Variants in LRRC4C observed in about 807,000 individuals in gnomAD.
The protein encoded by LRRC4C is leucine-rich repeat-containing protein 4C.
LRRC4C carries 5 observed loss-of-function variants against 33.6 expected under a neutral mutation model. The observed-to-expected ratio is 0.15, with a 90% confidence interval of 0.08 to 0.31. The LOEUF (loss-of-function observed/expected upper bound fraction) is 0.31, where lower values mean the gene tolerates loss of function less well. LRRC4C is among the 10% of genes least tolerant of loss of function. LRRC4C has a pLI of 1.00. For synonymous variants in LRRC4C, 329 were observed against 302.0 expected (o/e 1.09, Z -0.93); for missense variants, 560 against 796.7 (o/e 0.70, Z 3.58).
At chr11:40,180,350 A>G (rs1860881176) in intron 5 of LRRC4C, among the ~76,000 whole-genome samples, 1 of 152,232 alleles carries the variant, frequency 6.6e-6, no homozygotes, top group Non-Finnish European at 1.5e-5. Context: ...TATGGTGATG[A>G]GTTCAGCAAT....
At chr11:40,310,792 T>G (rs1945267368) in intron 4 of LRRC4C, among the ~76,000 whole-genome samples, 1 of 152,210 alleles carries the variant, frequency 6.6e-6, no homozygotes, top group Non-Finnish European at 1.5e-5. Context: ...TTAAAAGGAC[T>G]TTGGTTTACT....
intron 1 of LRRC4C, among the ~76,000 whole-genome samples, chr11:41,387,845 C>A (rs1953421464): frequency 6.6e-6 from 1 of 151,790 alleles, no homozygotes; most frequent in African/African-American, 2.4e-5. Flanking sequence ...AGTTACCAAC[C>A]ATTCTCCTGG....
At chr11:40,251,611 C>A (rs1326985796) in intron 4 of LRRC4C, among the ~76,000 whole-genome samples, 1 of 152,182 alleles carries the variant, frequency 6.6e-6, no homozygotes, top group East Asian at 1.9e-4. Flanking sequence ...AGGGGGCCTG[C>A]ATATCTGAGA....
At chr11:41,188,695 GA>G (rs1945805748) in intron 1 of LRRC4C, among the ~76,000 whole-genome samples, 1 of 73,758 alleles carries the variant, frequency 1.4e-5, no homozygotes, top group Non-Finnish European at 2.7e-5. Context: ...AAAGAGAGGA[GA>G]AAAAGAAGCA....
intron 3 of LRRC4C, among the ~76,000 whole-genome samples, chr11:40,336,302 C>T (rs1590353825): frequency 6.6e-6 from 1 of 152,106 alleles, no homozygotes; most frequent in East Asian, 1.9e-4. Context: ...AACTGAGTTG[C>T]GGCCGAAAGA....
intron 1 of LRRC4C, among the ~76,000 whole-genome samples, chr11:41,376,688 T>C (rs1008193911): frequency 3.9e-5 from 6 of 152,180 alleles, no homozygotes; most frequent in Admixed American, 3.9e-4. Flanking sequence ...CTTAGAAATA[T>C]TTATGTGTGT....
chr11:40,770,078 A>G lies in LRRC4C; in HGVS notation c.-406-121800T>C, dbSNP rs528020348. Among the ~76,000 whole-genome samples the G allele has an allele frequency of 1.1e-4, 17 of 152,316 alleles. No individual in the cohort carries two copies. The South Asian group carries it at 2.7e-3, about 24-fold the overall frequency. On this transcript the variant is annotated intron_variant, in intron 2 of 6. Coordinates refer to ENST00000528697, the MANE Select transcript of LRRC4C (RefSeq NM_001258419.2). ...ATCAAAGTGAAGAAGAAACACACAG[A>G]ATGACAGAAAGCATTTGCAAACTAT...
At chr11:41,240,071 C>A (rs929425808) in intron 1 of LRRC4C, among the ~76,000 whole-genome samples, 5 of 152,082 alleles carry the variant, frequency 3.3e-5, no homozygotes, top group Admixed American at 2.6e-4. Flanking sequence ...TTATAAAAAT[C>A]AAATGTCAAA....
At chr11:40,238,262 C>A (rs1191435752) in intron 5 of LRRC4C, among the ~76,000 whole-genome samples, 1 of 152,186 alleles carries the variant, frequency 6.6e-6, no homozygotes, top group East Asian at 1.9e-4. Flanking sequence ...CTCAACAGAG[C>A]CCTGCTCTAG....
At chr11:40,456,411 A>G (rs930953185) in intron 3 of LRRC4C, among the ~76,000 whole-genome samples, 1 of 152,100 alleles carries the variant, frequency 6.6e-6, no homozygotes. Context: ...GACATCTTAA[A>G]CATAAAAGTC....
chr11:40,320,714 CAAA>C (rs1206426097), intron 3 of LRRC4C, among the ~76,000 whole-genome samples: 6 of 151,992 alleles, frequency 3.9e-5, no homozygotes. Flanking sequence ...ACATATAAAA[CAAA>C]AAGCTTCGTA....
At chr11:40,386,794 C>T (rs1333383703) in intron 3 of LRRC4C, among the ~76,000 whole-genome samples, 1 of 152,070 alleles carries the variant, frequency 6.6e-6, no homozygotes, top group Non-Finnish European at 1.5e-5. Context: ...GTAATAGTAG[C>T]AAAGTGTCTC....
intron 5 of LRRC4C, among the ~76,000 whole-genome samples, chr11:40,216,557 CTTCTAAAATGAGAT>C: frequency 6.6e-6 from 1 of 152,196 alleles, no homozygotes. Flanking sequence ...AGCTAGTTCT[CTTCTAAAATGAGAT>C]TAAGAAGCGG....
intron 1 of LRRC4C, among the ~76,000 whole-genome samples, chr11:41,114,746 A>G (rs1444357740): frequency 6.6e-6 from 1 of 152,164 alleles, no homozygotes; most frequent in African/African-American, 2.4e-5. Context: ...GGAGTATTGA[A>G]CAAGCTCATA....
intron 1 of LRRC4C, among the ~76,000 whole-genome samples, chr11:41,439,237 C>T (rs1955536476): frequency 6.6e-6 from 1 of 152,078 alleles, no homozygotes. Flanking sequence ...GAGTAGTATT[C>T]CATGGTATAT....
chr11:40,128,889 T>C (rs991301624), intron 6 of LRRC4C, among the ~76,000 whole-genome samples: 1 of 152,216 alleles, frequency 6.6e-6, no homozygotes, highest in Non-Finnish European at 1.5e-5. Context: ...AGTATCCCTT[T>C]TGTCATATTT....
At chr11:41,343,371 C>T (rs1249439500) in intron 1 of LRRC4C, among the ~76,000 whole-genome samples, 1 of 151,962 alleles carries the variant, frequency 6.6e-6, no homozygotes, top group Non-Finnish European at 1.5e-5. Context: ...AAAGAGAAAA[C>T]AAAACAAAAC....
chr11:40,372,162 T>C (rs189875982), intron 3 of LRRC4C, among the ~76,000 whole-genome samples: 41 of 152,304 alleles, frequency 2.7e-4, no homozygotes, highest in Admixed American at 2.0e-3. Flanking sequence ...TAGTAGGAGA[T>C]AGGCTGAAGT....
chr11:40,777,590 T>C (rs1950057320), intron 2 of LRRC4C, among the ~76,000 whole-genome samples: 1 of 151,928 alleles, frequency 6.6e-6, no homozygotes, highest in Non-Finnish European at 1.5e-5. Context: ...GTTTGCATGG[T>C]AAATCTTTCT....
Sources: gnomAD v4.1 joint callset for allele counts (sites outside exome capture counted in the v4.1 genomes callset) on GRCh38, gnomAD v4.1.1 for gene constraint, MANE v1.5 for transcripts, NCBI Gene and HGNC (gene_info 2026-07-23, HGNC 2026-07-21) for gene names.